Variants in IPCEF1 observed in about 807,000 individuals in gnomAD.
IPCEF1 encodes the protein interaction protein for cytohesin exchange factors 1, also known as interactor protein for cytohesin exchange factors 1.
IPCEF1 carries 31 observed loss-of-function variants against 50.9 expected under a neutral mutation model. That is an observed-to-expected ratio of 0.61 (90% CI 0.46 to 0.82). IPCEF1 has a LOEUF of 0.82. Among genes scored for constraint, IPCEF1 ranks in the 40% least tolerant of loss-of-function variants. IPCEF1 has a pLI of 0.00. For synonymous variants in IPCEF1, 181 were observed against 192.0 expected, an observed-to-expected ratio of 0.94 and a Z score of 0.47; for missense variants, 458 against 514.0, an observed-to-expected ratio of 0.89 and a Z score of 1.05.
intron 3 of IPCEF1, among the ~76,000 whole-genome samples, chr6:154,261,801 A>C (rs553214326): frequency 6.6e-6 from 1 of 152,232 alleles, no homozygotes; most frequent in Admixed American, 6.5e-5. Context: ...AAGGACCTTA[A>C]AGGTATATTC....
chr6:154,219,284 GT>G (rs1433197147), intron 7 of IPCEF1: 1 of 151,940 alleles, frequency 6.6e-6, no homozygotes, highest in African/African-American at 2.4e-5. Context: ...AGAAGCAATT[GT>G]TTCTCTGCTA....
rs1799652548 is a variant in IPCEF1, at chr6:154,168,908, A to C, written c.911-795T>G. On this transcript the variant is annotated intron_variant, in intron 10 of 11. Coordinates refer to ENST00000367220, the MANE Select transcript of IPCEF1 (RefSeq NM_001130700.2). The surrounding 1 kb of genome is among the most constrained non-coding windows in gnomAD (Gnocchi z 4.1). ...GGTGTGAGCCACCACGCCCAGCCCA[A>C]CATATGAATTTTAGAGGGACACAAT... 6.6e-6 allele frequency among the ~76,000 whole-genome samples: 1 copy of C among 151,754 alleles called. No homozygotes were observed. Among genetic ancestry groups the C allele is most frequent in the Non-Finnish European group, 1.5e-5 (1 of 67,956 alleles).
chr6:154,265,619 G>A (rs1305818151), intron 3 of IPCEF1, among the ~76,000 whole-genome samples: 1 of 151,992 alleles, frequency 6.6e-6, no homozygotes, highest in Non-Finnish European at 1.5e-5. Context: ...TCCTACAGAG[G>A]TTGCATGAGA....
chr6:154,269,321 G>C (rs1427423579), intron 2 of IPCEF1, among the ~76,000 whole-genome samples: 1 of 152,106 alleles, frequency 6.6e-6, no homozygotes, highest in Non-Finnish European at 1.5e-5. Flanking sequence ...ACCTCCTTCG[G>C]TCAAAGAGCA....
intron 9 of IPCEF1, among the ~76,000 whole-genome samples, chr6:154,208,435 T>C (rs1777684580): frequency 1.3e-5 from 2 of 152,202 alleles, no homozygotes; most frequent in Non-Finnish European, 2.9e-5. Context: ...ACCCAATCTC[T>C]ACCCCATCAC....
In IPCEF1 at chr6:154,173,976, G is replaced by A. The variant is rs574932123; in HGVS notation, c.911-5863C>T. Among the ~76,000 whole-genome samples the A allele has an allele frequency of 5.9e-5, 9 of 152,260 alleles. No individual in the cohort carries two copies. The South Asian group carries it at 8.3e-4, about 14-fold the overall frequency. ...CCATCAGACTAACAGTGGATCTCTC[G>A]ACAGAAACCCTACAAGCCAGAAGAG... On this transcript the variant is annotated intron_variant, in intron 10 of 11. Coordinates refer to ENST00000367220, the MANE Select transcript of IPCEF1 (RefSeq NM_001130700.2).
chr6:154,294,418 T>A (rs1782586896), intron 1 of IPCEF1, among the ~76,000 whole-genome samples: 1 of 152,190 alleles, frequency 6.6e-6, no homozygotes, highest in African/African-American at 2.4e-5. Context: ...GGAGGCTGGA[T>A]GCAATAGGTT....
At chr6:154,333,701 G>A (rs533084048) in intron 1 of IPCEF1, among the ~76,000 whole-genome samples, 38 of 150,962 alleles carry the variant, frequency 2.5e-4, no homozygotes, top group African/African-American at 6.3e-4. Flanking sequence ...TATATAGTGC[G>A]TTTGTGTATA....
chr6:154,287,419 T>C (rs1782392248), intron 2 of IPCEF1, among the ~76,000 whole-genome samples: 1 of 152,200 alleles, frequency 6.6e-6, no homozygotes, highest in African/African-American at 2.4e-5. Flanking sequence ...ATGCACCAGA[T>C]ATTGTTCTAA....
chr6:154,172,879 G>A (rs571609839), intron 10 of IPCEF1, among the ~76,000 whole-genome samples: 1 of 152,324 alleles, frequency 6.6e-6, no homozygotes, highest in African/African-American at 2.4e-5. Context: ...TGACCCTCAT[G>A]TAGCCTGACT....
intron 1 of IPCEF1, among the ~76,000 whole-genome samples, chr6:154,295,869 A>ACG (rs768031410): frequency 0.027 from 984 of 36,024 alleles, 1 homozygote; most frequent in African/African-American, 0.1. Context: ...GTGCACACGC[A>ACG]CACACACACA....
At chr6:154,302,363 C>T (rs1002528584) in intron 1 of IPCEF1, among the ~76,000 whole-genome samples, 13 of 152,208 alleles carry the variant, frequency 8.5e-5, no homozygotes, top group Non-Finnish European at 1.5e-5. Flanking sequence ...TTAGTTGTAA[C>T]CACATGATAT....
At chr6:154,343,340 AAAG>A (rs1173284044) in intron 1 of IPCEF1, among the ~76,000 whole-genome samples, 1 of 151,776 alleles carries the variant, frequency 6.6e-6, no homozygotes, top group African/African-American at 2.4e-5. Context: ...ATAAGAAGAA[AAAG>A]AAGAAATTTC....
chr6:154,246,841 G>T, intron 4 of IPCEF1, 81 bp from the exon 5 acceptor site: 1 of 1,415,996 alleles, frequency 7.1e-7, no homozygotes, highest in Non-Finnish European at 9.4e-7. Flanking sequence ...ATGTGACAGA[G>T]TGAAAGGCAA....
intron 1 of IPCEF1, among the ~76,000 whole-genome samples, chr6:154,307,381 C>T (rs149484053): frequency 0.021 from 3,184 of 152,292 alleles, 58 homozygotes; most frequent in Non-Finnish European, 0.032. Flanking sequence ...CCTTGCCTTC[C>T]GCCATGGTTG....
At chr6:154,300,698 A>G (rs1782769658) in intron 1 of IPCEF1, among the ~76,000 whole-genome samples, 1 of 152,200 alleles carries the variant, frequency 6.6e-6, no homozygotes, top group South Asian at 2.1e-4. Context: ...CCCCCAAAAA[A>G]CATAAAGTCC....
intron 1 of IPCEF1, among the ~76,000 whole-genome samples, chr6:154,315,409 T>G (rs530630257): frequency 6.6e-6 from 1 of 152,282 alleles, no homozygotes; most frequent in South Asian, 2.1e-4. Context: ...CTGAACAGCT[T>G]TCTCTAATAA....
At chr6:154,330,571 G>A (rs140464232) in intron 1 of IPCEF1, among the ~76,000 whole-genome samples, 174 of 152,016 alleles carry the variant, frequency 1.1e-3, no homozygotes, top group African/African-American at 3.9e-3. Context: ...CGATCCACCC[G>A]CCTCACCTCC....
Position 154,318,573 on chromosome 6 carries a change from C to T in IPCEF1, c.-61-28817G>A, listed in dbSNP as rs116797209. ...TTTTAACAATATGTATTTTCTTGGC[C>T]GGGTGTGGTGGCTCACGCCTCTAGT... On this transcript the variant is annotated intron_variant, in intron 1 of 11. Coordinates refer to ENST00000367220, the MANE Select transcript of IPCEF1 (RefSeq NM_001130700.2). Among the ~76,000 whole-genome samples the T allele has an allele frequency of 6.8e-3, 1,036 of 151,900 alleles. 13 individuals carry two copies. The highest frequency in any genetic ancestry group is 0.022 in the African/African-American group (913 of 41,412).
Sources: gnomAD v4.1 joint callset for allele counts (sites outside exome capture counted in the v4.1 genomes callset) on GRCh38, gnomAD v4.1.1 for gene constraint, Gnocchi (gnomAD v3.1) non-coding constraint, MANE v1.5 for transcripts, NCBI Gene and HGNC (gene_info 2026-07-23, HGNC 2026-07-21) for gene names.